Variants in PHTF2 observed in about 807,000 individuals in gnomAD.
PHTF2 encodes the protein protein PHTF2.
A neutral mutation model predicts 101.2 loss-of-function variants in PHTF2; 60 were observed. The observed-to-expected ratio is 0.59, with a 90% CI of 0.48 to 0.73. The LOEUF is 0.73. Ranked by LOEUF, PHTF2 falls within the 30% of genes least tolerant of loss-of-function variation. The pLI is 0.00. For synonymous variants in PHTF2, 311 were observed against 307.3 expected (o/e 1.01, Z -0.13); for missense variants, 747 against 908.7 (o/e 0.82, Z 2.29).
At chr7:77,848,167 CA>C (rs1162406659) in intron 2 of PHTF2, among the ~76,000 whole-genome samples, 7 of 152,162 alleles carry the variant, frequency 4.6e-5, no homozygotes, top group African/African-American at 1.2e-4. Context: ...CTGCAGTGAA[CA>C]TGGGAGTGCA....
At chr7:77,816,637 C>A (rs797017446) in intron 1 of PHTF2, among the ~76,000 whole-genome samples, 2 of 152,118 alleles carry the variant, frequency 1.3e-5, no homozygotes, top group African/African-American at 4.8e-5. Flanking sequence ...CTATAGTCAT[C>A]CAACAGTGGT....
At chr7:77,820,487 G>C (rs994307024) in intron 1 of PHTF2, among the ~76,000 whole-genome samples, 3 of 152,048 alleles carry the variant, frequency 2.0e-5, no homozygotes, top group Non-Finnish European at 4.4e-5. Flanking sequence ...GAGTGGCTAG[G>C]ACTATAGGTG....
chr7:77,812,109 A>G (rs1793486930), intron 1 of PHTF2, among the ~76,000 whole-genome samples: 1 of 152,228 alleles, frequency 6.6e-6, no homozygotes, highest in Non-Finnish European at 1.5e-5. Context: ...GATGAGAAAA[A>G]GAACCTGGAT....
intron 1 of PHTF2, among the ~76,000 whole-genome samples, chr7:77,839,269 GACCA>G (rs1795694451): frequency 6.6e-6 from 1 of 152,168 alleles, no homozygotes; most frequent in Non-Finnish European, 1.5e-5. Context: ...CTTAACACTA[GACCA>G]GAGGTAACCT....
chr7:77,829,755 A>T (rs920531666), intron 1 of PHTF2, among the ~76,000 whole-genome samples: 1 of 152,178 alleles, frequency 6.6e-6, no homozygotes, highest in Non-Finnish European at 1.5e-5. Context: ...GTTATATTTA[A>T]CTTTAGCATT....
At chr7:77,943,184 G>A (rs1018116047) in intron 16 of PHTF2, among the ~76,000 whole-genome samples, 1 of 152,128 alleles carries the variant, frequency 6.6e-6, no homozygotes, top group Non-Finnish European at 1.5e-5. Context: ...GCAGTGGCGC[G>A]ATCTCGGCTC....
chr7:77,890,947 C>T (rs1800347822), intron 3 of PHTF2, among the ~76,000 whole-genome samples: 2 of 119,854 alleles, frequency 1.7e-5, no homozygotes, highest in Admixed American at 2.0e-4. Flanking sequence ...CTCACTCTGT[C>T]ACCCAGGCAG....
At chr7:77,949,120 ATGAATAAATTT>A (rs1275681285) in intron 16 of PHTF2, among the ~76,000 whole-genome samples, 1 of 152,188 alleles carries the variant, frequency 6.6e-6, no homozygotes, top group Non-Finnish European at 1.5e-5. Flanking sequence ...AGGAGTTAGA[ATGAATAAATTT>A]AGAGCTAAAT....
intron 16 of PHTF2, among the ~76,000 whole-genome samples, chr7:77,943,411 G>A (rs1584783262): frequency 6.6e-6 from 1 of 152,304 alleles, no homozygotes; most frequent in East Asian, 1.9e-4. Context: ...ACAGGCGTGA[G>A]CCACAGCGCC....
chr7:77,923,473 G>A (rs899298388), intron 11 of PHTF2: 15 of 984,970 alleles, frequency 1.5e-5, no homozygotes, highest in African/African-American at 7.0e-5. Flanking sequence ...CACATGTTAC[G>A]CTGTGCTGGA....
intron 6 of PHTF2, among the ~76,000 whole-genome samples, chr7:77,901,063 A>G (rs1437356796): frequency 6.6e-6 from 1 of 152,156 alleles, no homozygotes; most frequent in Non-Finnish European, 1.5e-5. Context: ...AGAGAGTGGT[A>G]GTGGGGAGGT....
intron 9 of PHTF2, among the ~76,000 whole-genome samples, chr7:77,914,405 A>G (rs568944301): frequency 6.6e-6 from 1 of 152,336 alleles, no homozygotes; most frequent in East Asian, 1.9e-4. Flanking sequence ...AAACTCAAGA[A>G]GCTAAGAATA....
At chr7:77,863,782 G>GTT (rs138241325) in intron 3 of PHTF2, among the ~76,000 whole-genome samples, 4 of 105,308 alleles carry the variant, frequency 3.8e-5, no homozygotes, top group African/African-American at 1.8e-4. Context: ...TCCCTGTTTT[G>GTT]TTTTGTTTTT....
intron 3 of PHTF2, among the ~76,000 whole-genome samples, chr7:77,872,227 G>A (rs1798581931): frequency 6.6e-6 from 1 of 152,106 alleles, no homozygotes; most frequent in South Asian, 2.1e-4. Flanking sequence ...ACGATGATGG[G>A]GTGGCTGGGG....
intron 3 of PHTF2, among the ~76,000 whole-genome samples, chr7:77,864,087 G>T (rs1264628956): frequency 6.6e-6 from 1 of 152,144 alleles, no homozygotes; most frequent in East Asian, 1.9e-4. Context: ...GCCCCACGGA[G>T]TTCTTATCTT....
At chr7:77,916,057 C>G (rs1026993965) in intron 9 of PHTF2, among the ~76,000 whole-genome samples, 1 of 150,734 alleles carries the variant, frequency 6.6e-6, no homozygotes, top group African/African-American at 2.4e-5. Context: ...ACTTTAATTC[C>G]TAATATCAGC....
At chr7:77,934,630 A>G (rs1206197267) in intron 12 of PHTF2, among the ~76,000 whole-genome samples, 1 of 152,210 alleles carries the variant, frequency 6.6e-6, no homozygotes, top group Non-Finnish European at 1.5e-5. Context: ...GTAAAAAAAA[A>G]TTTTAAGTTC....
Position 77,942,806 on chromosome 7 carries a change from G to GTAGA in PHTF2, c.1959+21_1959+24dup. The GTAGA allele has an allele frequency of 2.5e-6, 3 of 1,201,134 alleles. No individual in the cohort carries two copies. Among genetic ancestry groups the GTAGA allele is most frequent in the Admixed American group, 2.1e-5 (1 of 48,192 alleles). 74.4% of individuals were successfully genotyped at this position (1,201,134 alleles called of 1,614,324 possible). ...GCCCAGGTGAGTTAACTCGCTCCAT[G>GTAGA]TAGAAATTAACCAGATATATAAATA... On this transcript the variant is annotated intron_variant, in intron 16 of 19. Coordinates refer to ENST00000416283, the Ensembl canonical transcript of PHTF2.
chr7:77,938,441 T>C (rs1805344139), intron 13 of PHTF2, among the ~76,000 whole-genome samples: 1 of 152,164 alleles, frequency 6.6e-6, no homozygotes, highest in African/African-American at 2.4e-5. Flanking sequence ...TTTTAAAATG[T>C]GTTGATTGGC....
Sources: allele counts gnomAD v4.1 joint callset (sites outside exome capture counted in the v4.1 genomes callset), GRCh38; gene constraint gnomAD v4.1.1; transcripts MANE v1.5; gene names NCBI Gene and HGNC (gene_info 2026-07-23, HGNC 2026-07-21).